The following FBXO38 variants were observed in gnomAD, a reference collection of about 807,000 sequenced individuals.
FBXO38 encodes F-box only protein 38.
FBXO38 carries 53 observed loss-of-function variants against 131.9 expected under a neutral mutation model. The ratio of observed to expected loss-of-function variants is 0.40; its 90% confidence interval spans 0.32 to 0.51. The LOEUF (loss-of-function observed/expected upper bound fraction) is 0.51. FBXO38 is among the 20% of genes least tolerant of loss of function. The pLI is 0.53. For synonymous variants in FBXO38, 452 were observed against 505.6 expected (o/e 0.89, Z 1.42); for missense variants, 1,076 against 1,475.6 (o/e 0.73, Z 4.44).
chr5:148,402,898 C>A (rs945963669), intron 5 of FBXO38, among the ~76,000 whole-genome samples: 14 of 151,612 alleles, frequency 9.2e-5, no homozygotes, highest in African/African-American at 3.2e-4. Flanking sequence ...TATACACACA[C>A]ATACACAGAG....
intron 1 of FBXO38, chr5:148,384,662 T>A (rs1174610706): frequency 6.6e-6 from 1 of 152,264 alleles, no homozygotes; most frequent in African/African-American, 2.4e-5. Context: ...TAACTCCCTT[T>A]TCATGGAGTC....
At chr5:148,423,740 G>A (rs1447256448) in intron 12 of FBXO38, 4 of 250,382 alleles carry the variant, frequency 1.6e-5, no homozygotes, top group Non-Finnish European at 2.3e-5. Context: ...TTTGTTAACT[G>A]TTTGAGTTTG....
In FBXO38 at chr5:148,423,979, G is replaced by A. The variant is rs779871294; in HGVS notation, c.1619-19G>A. On this transcript the variant is annotated intron_variant, in intron 12 of 21. Coordinates refer to ENST00000340253, the MANE Select transcript of FBXO38 (RefSeq NM_205836.3). ...TTATACTTCTTTTGGTTTTTACTTT[G>A]TGTATATTTTCGTTGAAGCATTAAA... is the stretch of plus-strand genomic sequence containing the variant. The A allele has an allele frequency of 5.6e-6, 9 of 1,603,472 alleles. No individual in the cohort carries two copies. Among genetic ancestry groups the A allele is most frequent in the Non-Finnish European group, 7.7e-6 (9 of 1,176,108 alleles).
chr5:148,396,799 A>G (rs1042105574), intron 2 of FBXO38, among the ~76,000 whole-genome samples: 1 of 152,096 alleles, frequency 6.6e-6, no homozygotes, highest in Non-Finnish European at 1.5e-5. Flanking sequence ...TAGAGGCAGG[A>G]TCTTGATTTG....
intron 1 of FBXO38, 88 bp from the exon 2 acceptor site, chr5:148,394,626 T>G: frequency 2.0e-6 from 1 of 489,114 alleles, no homozygotes; most frequent in Non-Finnish European, 3.4e-6. Context: ...TACCTCTGCT[T>G]GTGTGTGTTT....
chr5:148,387,758 C>T (rs983449112), intron 1 of FBXO38, among the ~76,000 whole-genome samples: 6 of 138,190 alleles, frequency 4.3e-5, no homozygotes, highest in East Asian at 2.3e-4. Flanking sequence ...GTCGTACGAT[C>T]TTGGCTCACT....
chr5:148,390,074 TGTG>T (rs1581218052), intron 1 of FBXO38: 1 of 151,272 alleles, frequency 6.6e-6, no homozygotes, highest in African/African-American at 2.4e-5. Flanking sequence ...ACTTGGGACT[TGTG>T]GTGTGTGAAT....
intron 1 of FBXO38, among the ~76,000 whole-genome samples, chr5:148,393,224 T>TGTGTGTGTGTGC (rs1241156910): frequency 6.6e-6 from 1 of 150,546 alleles, no homozygotes; most frequent in Middle Eastern, 3.4e-3. Flanking sequence ...TGTGTGTGTG[T>TGTGTGTGTGTGC]GTGTGTGTGT....
intron 15 of FBXO38, chr5:148,430,927 AG>A (rs1263515554): frequency 6.6e-6 from 1 of 152,214 alleles, no homozygotes; most frequent in Non-Finnish European, 1.5e-5. Context: ...ATTTAAGATT[AG>A]TTGCTATAAA....
At chr5:148,435,407 A>T (rs558901812) in intron 17 of FBXO38, among the ~76,000 whole-genome samples, 1 of 152,254 alleles carries the variant, frequency 6.6e-6, no homozygotes, top group Non-Finnish European at 1.5e-5. Context: ...CAAGAGACCT[A>T]GCTTTTGACC....
rs368329665 is a variant in FBXO38, at chr5:148,404,826, A to G, written c.730+4A>G. ...TTCGTCATGAGGAACTGTGCAGGTA[A>G]TGGTACACAATTATGGTGGAATTAA... On this transcript the variant is annotated splice_donor_region_variant and intron_variant, in intron 6 of 21. Transcript: ENST00000340253. The G allele has an allele frequency of 4.4e-6, 7 of 1,590,788 alleles. No homozygotes were observed. The highest frequency in any genetic ancestry group is 6.0e-6 in the Non-Finnish European group (7 of 1,173,284).
At chr5:148,385,589 C>T (rs80308119) in intron 1 of FBXO38, among the ~76,000 whole-genome samples, 10,010 of 152,156 alleles carry the variant, frequency 0.066, 1,106 homozygotes, top group African/African-American at 0.23. Flanking sequence ...GATTCCTAGG[C>T]CTTTTTCAGC....
At chr5:148,407,209 AT>A (rs1752489741) in intron 7 of FBXO38, among the ~76,000 whole-genome samples, 1 of 152,260 alleles carries the variant, frequency 6.6e-6, no homozygotes, top group East Asian at 1.9e-4. Flanking sequence ...CAGTATTTTG[AT>A]TGATGGCGAT....
In FBXO38 at chr5:148,399,929, A is replaced by C. The variant is rs555029922; in HGVS notation, c.262+797A>C. 7.5e-4 allele frequency among the ~76,000 whole-genome samples: 114 copies of C among 152,022 alleles called. 1 individual carries two copies. In the South Asian group the frequency reaches 0.018, roughly 24 times the overall value. On this transcript the variant is annotated intron_variant, in intron 3 of 21. Transcript: ENST00000340253. ...CTGAGAGGGGAACCAAAAAATAAAA[A>C]TAAAAAAAAAAGCCTTAATAGAAGT...
At chr5:148,414,356 A>G (rs751373143) in intron 10 of FBXO38, 50 bp downstream of exon 10, 12 of 1,387,910 alleles carry the variant, frequency 8.6e-6, no homozygotes, top group East Asian at 2.4e-5. Flanking sequence ...CTGAAATAAT[A>G]CAACTTTCCA....
At chr5:148,384,234 T>C (rs1017541357) in intron 1 of FBXO38, among the ~76,000 whole-genome samples, 195 bp downstream of exon 1, 1 of 152,220 alleles carries the variant, frequency 6.6e-6, no homozygotes, top group Non-Finnish European at 1.5e-5. Context: ...TTCTAGGCCG[T>C]GCTTGCGGGG....
chr5:148,391,855 G>A (rs1581220724), intron 1 of FBXO38, among the ~76,000 whole-genome samples: 2 of 152,034 alleles, frequency 1.3e-5, no homozygotes, highest in South Asian at 4.1e-4. Flanking sequence ...AAAGGTTACC[G>A]GTTAATATTT....
chr5:148,418,482 A>G (rs1753197333), intron 12 of FBXO38, among the ~76,000 whole-genome samples: 3 of 152,154 alleles, frequency 2.0e-5, no homozygotes, highest in Admixed American at 2.0e-4. Flanking sequence ...GTATACTCTT[A>G]AGCATTTCAA....
At chr5:148,432,907 G>A (rs958935744) in intron 15 of FBXO38, among the ~76,000 whole-genome samples, 5 of 152,294 alleles carry the variant, frequency 3.3e-5, no homozygotes, top group South Asian at 2.1e-4. Flanking sequence ...TAGATGGGTC[G>A]TATTTCAAAA....
Sources: allele counts gnomAD v4.1 joint callset (sites outside exome capture counted in the v4.1 genomes callset), GRCh38; gene constraint gnomAD v4.1.1; transcripts MANE v1.5; gene names NCBI Gene and HGNC (gene_info 2026-07-23, HGNC 2026-07-21).